GRIK2: variants seen among roughly 807,000 people sequenced by gnomAD.
The protein encoded by GRIK2 is glutamate ionotropic receptor kainate type subunit 2, also known as glutamate receptor ionotropic, kainate 2.
In GRIK2, 32 loss-of-function variants were observed where a neutral mutation model predicts 100.3. The ratio of observed to expected loss-of-function variants is 0.32; its 90% confidence interval spans 0.24 to 0.43. The LOEUF (loss-of-function observed/expected upper bound fraction) is 0.43, where lower values mean the gene tolerates loss of function less well. Ranked by LOEUF, GRIK2 falls within the 20% of genes least tolerant of loss-of-function variation. GRIK2 has a pLI of 1.00. For synonymous variants in GRIK2, 417 were observed against 389.4 expected (o/e 1.07, Z -0.83); for missense variants, 843 against 1,114.9 (o/e 0.76, Z 3.47).
chr6:101,578,327 T>C (rs1036048048), intron 2 of GRIK2, among the ~76,000 whole-genome samples: 1 of 152,180 alleles, frequency 6.6e-6, no homozygotes, highest in African/African-American at 2.4e-5. Flanking sequence ...AGGTTAAATC[T>C]GAACTCTGCC....
At chr6:101,882,228 C>A (rs983292906) in intron 11 of GRIK2, among the ~76,000 whole-genome samples, 2 of 152,032 alleles carry the variant, frequency 1.3e-5, no homozygotes, top group African/African-American at 2.4e-5. Flanking sequence ...GGGGACACAG[C>A]CAAACCATAT....
intron 3 of GRIK2, among the ~76,000 whole-genome samples, chr6:101,623,577 A>T (rs1015991335): frequency 1.3e-5 from 2 of 152,144 alleles, no homozygotes; most frequent in Non-Finnish European, 2.9e-5. Context: ...TAGATTTCTT[A>T]ATGGTGATTT....
intron 2 of GRIK2, among the ~76,000 whole-genome samples, chr6:101,573,610 A>G (rs557911654): frequency 6.6e-6 from 1 of 152,292 alleles, no homozygotes; most frequent in African/African-American, 2.4e-5. Flanking sequence ...GGGCTCAGCA[A>G]AGTGTTGGAT....
chr6:101,683,871 A>AT (rs1379789465), intron 6 of GRIK2, among the ~76,000 whole-genome samples: 6 of 152,000 alleles, frequency 3.9e-5, no homozygotes, highest in Non-Finnish European at 8.8e-5. Context: ...AATTTTACTG[A>AT]TTTTTCCTTT....
chr6:101,505,706 C>A (rs1773986645), intron 2 of GRIK2, among the ~76,000 whole-genome samples: 1 of 150,410 alleles, frequency 6.6e-6, no homozygotes, highest in Non-Finnish European at 1.5e-5. Context: ...CAAAACACTT[C>A]TCTGATAGAA....
chr6:101,616,352 T>C (rs892620689), intron 2 of GRIK2, among the ~76,000 whole-genome samples: 4 of 151,722 alleles, frequency 2.6e-5, no homozygotes, highest in African/African-American at 4.8e-5. Flanking sequence ...ATTATACAAA[T>C]AAATAAAAAA....
intron 14 of GRIK2, among the ~76,000 whole-genome samples, chr6:102,012,209 T>C (rs1410194905): frequency 6.6e-6 from 1 of 152,230 alleles, no homozygotes; most frequent in Non-Finnish European, 1.5e-5. Flanking sequence ...TCAACTTATC[T>C]ATTTTTTCAC....
chr6:102,033,206 CTT>C (rs1770089499), intron 14 of GRIK2, among the ~76,000 whole-genome samples: 2 of 150,716 alleles, frequency 1.3e-5, no homozygotes, highest in Admixed American at 6.6e-5. Context: ...TATGTGTAAA[CTT>C]TTATTATTAC....
intron 7 of GRIK2, chr6:101,745,244 C>T (rs914731864): frequency 6.6e-6 from 1 of 151,954 alleles, no homozygotes; most frequent in South Asian, 2.1e-4. Flanking sequence ...GAAATATAAA[C>T]CTGATCTAGA....
At chr6:101,718,937 G>A (rs1255351567) in intron 7 of GRIK2, among the ~76,000 whole-genome samples, 1 of 151,818 alleles carries the variant, frequency 6.6e-6, no homozygotes, top group Non-Finnish European at 1.5e-5. Flanking sequence ...TACAAATGGA[G>A]AAAAGTTTCT....
chr6:101,508,711 C>T (rs1015015948), intron 2 of GRIK2, among the ~76,000 whole-genome samples: 2 of 152,080 alleles, frequency 1.3e-5, no homozygotes, highest in Non-Finnish European at 2.9e-5. Context: ...TTTATTTAAT[C>T]CTTCTCCTTC....
At chr6:101,981,852 C>A (rs750974553) in intron 14 of GRIK2, among the ~76,000 whole-genome samples, 1 of 151,752 alleles carries the variant, frequency 6.6e-6, no homozygotes, top group Non-Finnish European at 1.5e-5. Context: ...TGAGAAAGTA[C>A]AATTCTCTTG....
chr6:101,575,501 T>G (rs1475603751), intron 2 of GRIK2, among the ~76,000 whole-genome samples: 1 of 152,048 alleles, frequency 6.6e-6, no homozygotes, highest in Admixed American at 6.6e-5. Context: ...CCATTCTACA[T>G]TAGTAAATAT....
At chr6:101,449,460 A>G (rs1770549980) in intron 2 of GRIK2, among the ~76,000 whole-genome samples, 1 of 151,762 alleles carries the variant, frequency 6.6e-6, no homozygotes, top group South Asian at 2.1e-4. Flanking sequence ...CAGATTAAGA[A>G]GGGAAAAACA....
At chr6:101,991,920 A>G (rs1278966512) in intron 14 of GRIK2, among the ~76,000 whole-genome samples, 1 of 151,548 alleles carries the variant, frequency 6.6e-6, no homozygotes, top group Non-Finnish European at 1.5e-5. Flanking sequence ...AAATATTTGT[A>G]CATGTGAAGC....
intron 12 of GRIK2, among the ~76,000 whole-genome samples, chr6:101,914,587 T>G (rs1788974027): frequency 6.6e-6 from 1 of 151,410 alleles, no homozygotes; most frequent in Middle Eastern, 3.4e-3. Context: ...TGGTTTGGAG[T>G]GTGAGTCGTA....
intron 14 of GRIK2, among the ~76,000 whole-genome samples, chr6:101,987,013 C>T (rs999603104): frequency 3.3e-5 from 5 of 151,572 alleles, no homozygotes; most frequent in African/African-American, 7.3e-5. Context: ...TCTGGTGGCA[C>T]GCAACTGTAG....
chr6:101,694,769 G>C (rs755707365), intron 7 of GRIK2, among the ~76,000 whole-genome samples: 21 of 151,830 alleles, frequency 1.4e-4, no homozygotes, highest in Admixed American at 3.9e-4. Flanking sequence ...GATGAACTAA[G>C]ATGGAGTAGA....
chr6:101,418,976 C>T (rs1776284440), intron 2 of GRIK2, among the ~76,000 whole-genome samples: 1 of 152,078 alleles, frequency 6.6e-6, no homozygotes, highest in Admixed American at 6.6e-5. Flanking sequence ...AATATAATGT[C>T]TACATGACTT....
Sources: allele counts gnomAD v4.1 joint callset (sites outside exome capture counted in the v4.1 genomes callset), GRCh38; gene constraint gnomAD v4.1.1; transcripts MANE v1.5; gene names NCBI Gene and HGNC (gene_info 2026-07-23, HGNC 2026-07-21).